The following TFAP2A variants were observed in gnomAD, a reference collection of about 807,000 sequenced individuals.
TFAP2A encodes the protein transcription factor AP-2-alpha.
In TFAP2A, 7 loss-of-function variants were observed where a neutral mutation model predicts 41.5. The ratio of observed to expected loss-of-function variants is 0.17; its 90% CI spans 0.10 to 0.32. The LOEUF is 0.32. Among genes scored for constraint, TFAP2A ranks in the 10% least tolerant of loss-of-function variants. The pLI, the probability that TFAP2A is intolerant of heterozygous loss-of-function variation, is 1.00. For synonymous variants in TFAP2A, 247 were observed against 242.8 expected, an observed-to-expected ratio of 1.02 and a Z score of -0.16; for missense variants, 416 against 563.3, an observed-to-expected ratio of 0.74 and a Z score of 2.65.
chr6:10,413,805 C>T (rs978515490), intron 1 of TFAP2A, among the ~76,000 whole-genome samples: 3 of 152,026 alleles, frequency 2.0e-5, no homozygotes, highest in African/African-American at 7.3e-5. Flanking sequence ...GTCAAGATCT[C>T]CGCCCCTGCG....
chr6:10,399,025 T>C (rs868104172), intron 6 of TFAP2A, among the ~76,000 whole-genome samples: 4 of 152,202 alleles, frequency 2.6e-5, no homozygotes, highest in Admixed American at 6.5e-5. Flanking sequence ...ATTTCACACA[T>C]TGGAAGAGAA....
chr6:10,413,943 C>T (rs1424347285), intron 1 of TFAP2A, among the ~76,000 whole-genome samples: 2 of 152,208 alleles, frequency 1.3e-5, no homozygotes, highest in Non-Finnish European at 2.9e-5. Flanking sequence ...CACCCCAACC[C>T]CTCTCTCGGA....
rs1416387650 is a variant in TFAP2A at position 10,399,920 on chromosome 6, C to CTCTCTCTGTG, written c.1031+527_1031+528insCACAGAGAGA. On this transcript the variant is annotated intron_variant, in intron 6 of 6. Coordinates refer to ENST00000379613, the MANE Select transcript of TFAP2A (RefSeq NM_001372066.1). The stretch of plus-strand genomic sequence containing the variant: ...GGTCTCTCTCTCTCTCTCTCTCTCT[C>CTCTCTCTGTG]TGTCTGTGTGTGTGTGTGTGTGTGT... Among the ~76,000 whole-genome samples the CTCTCTCTGTG allele has an allele frequency of 1.0e-4, 12 of 117,916 alleles. 1 individual carries two copies. Among genetic ancestry groups the CTCTCTCTGTG allele is most frequent in the Middle Eastern group, 5.0e-3 (1 of 202 alleles). The allele number at this position is 117,916 out of a possible 152,430, so 77.4% of individuals were successfully genotyped here.
chr6:10,414,914 G>C (rs1363242566), intron 1 of TFAP2A, 27 bp downstream of exon 1: 1 of 1,613,814 alleles, frequency 6.2e-7, no homozygotes, highest in East Asian at 2.2e-5. Flanking sequence ...GTGACCGCAC[G>C]GATGATCGAG....
upstream of TFAP2A, chr6:10,416,426 TAAG>T: frequency 1.0e-5 from 1 of 95,690 alleles, no homozygotes; most frequent in South Asian, 2.7e-4. Context: ...TTTTTTTAAG[TAAG>T]AAAAAAAAAA....
In TFAP2A at chr6:10,412,236, CGCGGCGCG is replaced by C. The variant is rs994027846; in HGVS notation, c.52-1909_52-1902del. On this transcript the variant is annotated intron_variant, in intron 1 of 6. Transcript: ENST00000379613. ...GGGAGCGGGCGAGCGCGCGGGGGGCCGCGGCGCGGCGTCTGGCGAATCACAGGGAAGGG... is the reference window on the plus strand; with the variant it reads ...GGGAGCGGGCGAGCGCGCGGGGGGCCGCGTCTGGCGAATCACAGGGAAGGG... The C allele has an allele frequency of 6.1e-6, 6 of 986,672 alleles. No individual in the cohort carries two copies. The African/African-American group carries it at 1.1e-4, about 17-fold the overall frequency. The allele number at this position is 986,672 out of a possible 1,614,324, so 61.1% of individuals were successfully genotyped here. A position where few individuals can be genotyped will look rare whatever the true frequency, so the allele number is the denominator to read the frequency against.
upstream of TFAP2A, chr6:10,416,162 G>A (rs994345261): frequency 1.1e-4 from 16 of 152,174 alleles, no homozygotes; most frequent in Non-Finnish European, 1.5e-4. Flanking sequence ...TAAATCACCG[G>A]GAACCGACTT....
chr6:10,414,796 G>C, intron 1 of TFAP2A, 145 bp downstream of exon 1: 1 of 1,097,608 alleles, frequency 9.1e-7, no homozygotes, highest in Non-Finnish European at 1.4e-6. Context: ...CGCGTTCTTC[G>C]GGCGAATCCG....
upstream of TFAP2A, among the ~76,000 whole-genome samples, chr6:10,417,801 C>T (rs1212339368): frequency 3.9e-5 from 6 of 152,226 alleles, no homozygotes; most frequent in Admixed American, 1.3e-4. Flanking sequence ...CCTCCAGCCA[C>T]TTGCCTAACT....
At chr6:10,419,332 C>T, upstream of TFAP2A, 2 of 1,519,190 alleles carry the variant, frequency 1.3e-6, no homozygotes, top group Non-Finnish European at 1.8e-6. Flanking sequence ...TGGGCCACGG[C>T]GCTTCCTCTC....
chr6:10,407,524 T>C (rs1478474506), intron 2 of TFAP2A: 1 of 148,254 alleles, frequency 6.7e-6, no homozygotes, highest in Non-Finnish European at 1.5e-5. Context: ...TTTTTACAGA[T>C]GGATGGGTAT....
intron 1 of TFAP2A, among the ~76,000 whole-genome samples, chr6:10,413,854 A>G (rs1758112970): frequency 9.9e-6 from 1 of 100,542 alleles, no homozygotes; most frequent in Non-Finnish European, 2.1e-5. Context: ...CTCAGCTGCA[A>G]ATGCCAAAAA....
intron 2 of TFAP2A, chr6:10,409,261 A>G (rs1418955385): frequency 1.3e-5 from 2 of 152,508 alleles, no homozygotes; most frequent in Non-Finnish European, 2.9e-5. Flanking sequence ...TATGGAGTGT[A>G]GCAGGTTCTG....
In TFAP2A at chr6:10,398,296, GGCAGCAGCAGCA is replaced by G. The variant is rs1264691695; in HGVS notation, c.*109_*120del. Reference sequence around the variant, plus strand: ...CAAGGGCAGCGGCGGCGGCGGCGGCGGCAGCAGCAGCAGCAGTAGCAGCAGCAGGAAGGGTTG... The same window carrying G: ...CAAGGGCAGCGGCGGCGGCGGCGGCGGCAGTAGCAGCAGCAGGAAGGGTTG... On this transcript the variant is annotated 3_prime_UTR_variant, in exon 7 of 7. Coordinates refer to ENST00000379613, the MANE Select transcript of TFAP2A (RefSeq NM_001372066.1). The surrounding 1 kb of genome is among the most constrained non-coding windows in gnomAD (Gnocchi z 5.3). 1 of 1,577,052 alleles carries G rather than the reference GGCAGCAGCAGCA, an allele frequency of 6.3e-7. No individual in the cohort carries two copies. The highest frequency in any genetic ancestry group is 2.3e-5 in the East Asian group (1 of 43,922).
upstream of TFAP2A, chr6:10,419,453 C>G: frequency 6.2e-7 from 1 of 1,614,160 alleles, no homozygotes; most frequent in Non-Finnish European, 8.5e-7. Context: ...ATGGACATCG[C>G]GGCTCTGCGC....
At position 10,404,722 on chromosome 6, in the gene TFAP2A, T is replaced by C; in HGVS notation, c.556A>G (p.Lys186Glu). ...GCGGAGACGGCATTGCTGTTGGACT[T>C]GGACAGGGACACGGGGCCTGCGGAG... ...VIKKGPVSLS[K>E]SNSNAVSAIP... Residue 186 changes from lysine to glutamate, a missense_variant, in exon 4 of 7, where the codon AAG (lysine) becomes GAG (glutamate). By Grantham distance (56) the Lys-to-Glu change is moderately conservative. Transcript: ENST00000379613. 2 of 1,614,168 alleles carry C rather than the reference T, an allele frequency of 1.2e-6. No homozygotes were observed. Among genetic ancestry groups the C allele is most frequent in the Non-Finnish European group, 1.7e-6 (2 of 1,179,998 alleles).
At chr6:10,413,208 G>A (rs1204364877) in intron 1 of TFAP2A, among the ~76,000 whole-genome samples, 1 of 152,230 alleles carries the variant, frequency 6.6e-6, no homozygotes, top group Non-Finnish European at 1.5e-5. Flanking sequence ...CGAAATCCCC[G>A]CTCCGGCGCT....
At chr6:10,409,112 C>T (rs939418531) in intron 2 of TFAP2A, 2 of 152,224 alleles carry the variant, frequency 1.3e-5, no homozygotes, top group African/African-American at 4.8e-5. Context: ...TTCAAATTAT[C>T]AATAGCCTGG....
chr6:10,419,538 A>G, upstream of TFAP2A: 10 of 1,554,716 alleles, frequency 6.4e-6, no homozygotes, highest in Non-Finnish European at 8.0e-6. Flanking sequence ...GCTTAGGCAA[A>G]TCCTCCTTTT....
Sources: gnomAD v4.1 joint callset for allele counts (sites outside exome capture counted in the v4.1 genomes callset) on GRCh38, gnomAD v4.1.1 for gene constraint, Gnocchi (gnomAD v3.1) non-coding constraint, MANE v1.5 for transcripts, NCBI Gene and HGNC (gene_info 2026-07-23, HGNC 2026-07-21) for gene names.